The following TNR variants were observed in gnomAD, a reference collection of about 807,000 sequenced individuals.
TNR encodes the protein tenascin R.
Under a neutral mutation model 150.4 loss-of-function variants are expected in TNR, and 45 were observed. The observed-to-expected ratio is 0.30, with a 90% CI of 0.24 to 0.38. TNR has a LOEUF of 0.38. Among genes scored for constraint, TNR ranks in the 10% least tolerant of loss-of-function variants. The probability of loss-of-function intolerance (pLI) is 1.00; values close to 1 mark genes in which losing one functional copy is unlikely to be tolerated. For synonymous variants in TNR, 687 were observed against 678.4 expected (o/e 1.01, Z -0.20); for missense variants, 1,544 against 1,759.1 (o/e 0.88, Z 2.19).
In TNR at chr1:175,636,158, C is replaced by A. The variant is rs1664486706; in HGVS notation, c.-165+107068G>T. On this transcript the variant is annotated intron_variant, in intron 1 of 22. Transcript: ENST00000367674. ...AGGCAGTATCTAAATAGCCTCGCCC[C>A]CAGCAGTTGAGATTAGCATTGGTCA... 2.0e-5 allele frequency among the ~76,000 whole-genome samples: 3 copies of A among 152,254 alleles called. No homozygotes were observed. The South Asian group carries it at 6.2e-4, about 32-fold the overall frequency.
At chr1:175,324,556 G>C in intron 21 of TNR, 37 bp from the exon 22 acceptor site, 1 of 1,604,184 alleles carries the variant, frequency 6.2e-7, no homozygotes, top group Non-Finnish European at 8.5e-7. Flanking sequence ...TGTCCCATTT[G>C]TCACTGCTTT....
intron 1 of TNR, among the ~76,000 whole-genome samples, chr1:175,547,248 C>T (rs1284672620): frequency 1.3e-5 from 2 of 152,234 alleles, no homozygotes; most frequent in Non-Finnish European, 2.9e-5. Flanking sequence ...GTGTCCTCCA[C>T]ATCTGACTGA....
chr1:175,326,724 A>T (rs970416117), intron 21 of TNR, among the ~76,000 whole-genome samples: 6 of 151,956 alleles, frequency 3.9e-5, no homozygotes, highest in Non-Finnish European at 7.4e-5. Context: ...CTGGAGTGCA[A>T]TGGCACAATC....
intron 2 of TNR, among the ~76,000 whole-genome samples, chr1:175,507,577 C>A (rs1167417526): frequency 6.6e-6 from 1 of 151,670 alleles, no homozygotes; most frequent in Non-Finnish European, 1.5e-5. Context: ...CTGACACATA[C>A]CCCATACTTC....
chr1:175,674,053 C>G (rs1253462282), intron 1 of TNR, among the ~76,000 whole-genome samples: 1 of 152,134 alleles, frequency 6.6e-6, no homozygotes, highest in African/African-American at 2.4e-5. Flanking sequence ...ATCCTGGTGG[C>G]AAAGAGGAAA....
chr1:175,585,955 G>A (rs1662546268), intron 1 of TNR, among the ~76,000 whole-genome samples: 1 of 152,216 alleles, frequency 6.6e-6, no homozygotes, highest in African/African-American at 2.4e-5. Flanking sequence ...TAAGCACTGA[G>A]GTGTGCCAAA....
chr1:175,466,045 T>C (rs2102110894), intron 2 of TNR, among the ~76,000 whole-genome samples: 1 of 152,296 alleles, frequency 6.6e-6, no homozygotes, highest in Non-Finnish European at 1.5e-5. Context: ...GGAATTGGTC[T>C]TTCCTGTGGT....
intron 2 of TNR, among the ~76,000 whole-genome samples, chr1:175,447,286 T>TTC (rs1205077903): frequency 6.6e-6 from 1 of 152,102 alleles, no homozygotes; most frequent in East Asian, 1.9e-4. Flanking sequence ...AGTGGATTTG[T>TTC]TCTTCTTCTT....
chr1:175,686,922 G>C (rs1472300595), intron 1 of TNR, among the ~76,000 whole-genome samples: 1 of 152,146 alleles, frequency 6.6e-6, no homozygotes, highest in Non-Finnish European at 1.5e-5. Context: ...CCATGACTTT[G>C]CTACTGTGGA....
chr1:175,315,468 CT>C lies in TNR; in HGVS notation c.*7888del, dbSNP rs1368890078. 1 of 151,152 alleles carries C rather than the reference CT, an allele frequency of 6.6e-6. No individual in the cohort carries two copies. The highest frequency in any genetic ancestry group is 2.1e-4 in the South Asian group (1 of 4,806). 9.4% of individuals were successfully genotyped at this position (151,152 alleles called of 1,614,324 possible). A position where few individuals can be genotyped will look rare whatever the true frequency, so the allele number is the denominator to read the frequency against. ...TTTTTTTTTCTTCCTTCCAGTCTTT[CT>C]TTTAAGTAAGCGCTTTTTCAAGCTC... On this transcript the variant is annotated 3_prime_UTR_variant, in exon 23 of 23. Transcript: ENST00000367674.
At chr1:175,376,330 C>G (rs1439907644) in intron 9 of TNR, among the ~76,000 whole-genome samples, 2 of 152,184 alleles carry the variant, frequency 1.3e-5, no homozygotes, top group Non-Finnish European at 2.9e-5. Flanking sequence ...ACCTTAAACT[C>G]GTTAAATGTA....
chr1:175,398,758 C>A (rs773680932), intron 4 of TNR, among the ~76,000 whole-genome samples: 1 of 152,210 alleles, frequency 6.6e-6, no homozygotes, highest in Non-Finnish European at 1.5e-5. Flanking sequence ...TGACTATAAA[C>A]CTTCTTAGCC....
intron 1 of TNR, among the ~76,000 whole-genome samples, chr1:175,699,756 C>G (rs1666632429): frequency 6.6e-6 from 1 of 152,040 alleles, no homozygotes; most frequent in Non-Finnish European, 1.5e-5. Flanking sequence ...GAAACTTTAG[C>G]AAAAGGTTCA....
At chr1:175,543,607 T>C (rs945811610) in intron 1 of TNR, among the ~76,000 whole-genome samples, 1 of 152,172 alleles carries the variant, frequency 6.6e-6, no homozygotes, top group South Asian at 2.1e-4. Flanking sequence ...GTATCTAATG[T>C]GTATGTACTG....
chr1:175,334,800 T>C (rs559792812), intron 20 of TNR, among the ~76,000 whole-genome samples: 1 of 152,364 alleles, frequency 6.6e-6, no homozygotes, highest in Non-Finnish European at 1.5e-5. Context: ...ACTCCAGTCC[T>C]TCCACTTGGT....
intron 1 of TNR, among the ~76,000 whole-genome samples, chr1:175,616,414 C>T (rs570234906): frequency 6.6e-6 from 1 of 152,324 alleles, no homozygotes; most frequent in East Asian, 1.9e-4. Flanking sequence ...CTCCTGGCAG[C>T]TGGCGGGTGA....
chr1:175,451,781 A>G (rs897322210), intron 2 of TNR, among the ~76,000 whole-genome samples: 1 of 152,224 alleles, frequency 6.6e-6, no homozygotes, highest in African/African-American at 2.4e-5. Context: ...CAAGCCTGAA[A>G]AATGACTTAG....
At chr1:175,534,506 C>T (rs1365499640) in intron 1 of TNR, among the ~76,000 whole-genome samples, 1 of 152,222 alleles carries the variant, frequency 6.6e-6, no homozygotes, top group Non-Finnish European at 1.5e-5. Flanking sequence ...TTGAATGAGT[C>T]CTCACACACT....
intron 1 of TNR, among the ~76,000 whole-genome samples, chr1:175,646,768 T>G (rs1202876421): frequency 2.6e-5 from 4 of 152,218 alleles, no homozygotes; most frequent in Non-Finnish European, 5.9e-5. Flanking sequence ...GCAGGGTTTC[T>G]CCATTCTGCC....
Sources: allele counts gnomAD v4.1 joint callset (sites outside exome capture counted in the v4.1 genomes callset), GRCh38; gene constraint gnomAD v4.1.1; transcripts MANE v1.5; gene names NCBI Gene and HGNC (gene_info 2026-07-23, HGNC 2026-07-21).